Variants in TOPAZ1 observed in about 807,000 individuals in gnomAD.
TOPAZ1 encodes the protein protein TOPAZ1.
TOPAZ1 carries 66 observed loss-of-function variants against 172.2 expected under a neutral mutation model. That is an observed-to-expected ratio of 0.38 (90% CI 0.31 to 0.47). TOPAZ1 has a LOEUF of 0.47. TOPAZ1 is among the 20% of genes least tolerant of loss of function. The probability of loss-of-function intolerance (pLI) is 0.99; values close to 1 mark genes in which losing one functional copy is unlikely to be tolerated. For missense variants in TOPAZ1, 1,822 were observed against 1,972.4 expected, an observed-to-expected ratio of 0.92 and a Z score of 1.44; for synonymous variants, 681 against 683.9, an observed-to-expected ratio of 1.00 and a Z score of 0.07.
intron 19 of TOPAZ1, among the ~76,000 whole-genome samples, chr3:44,331,254 G>GT (rs1366853328): frequency 6.6e-6 from 1 of 152,020 alleles, no homozygotes; most frequent in Admixed American, 6.6e-5. Context: ...TAAAATCAGG[G>GT]TTTTTGTCAT....
At chr3:44,255,449 G>A (rs1446356500) in intron 3 of TOPAZ1, among the ~76,000 whole-genome samples, 4 of 151,794 alleles carry the variant, frequency 2.6e-5, no homozygotes, top group Non-Finnish European at 5.9e-5. Flanking sequence ...TCAGGAGATC[G>A]AGACCATCCT....
Position 44,244,474 on chromosome 3 carries a change from C to T in TOPAZ1, c.1968C>T (p.Gly656=), listed in dbSNP as rs1188193032. ...KDGQEANNSA[G]KTIHRKACIA... ...GTCAGGAAGCAAATAACTCTGCAGG[C>T]AAAACTATTCATCGAAAAGCATGCA... Residue 656 remains glycine, a synonymous_variant, in exon 2 of 20, where the codon GGC becomes GGT. Transcript: ENST00000309765. 1.4e-5 allele frequency: 22 copies of T among 1,551,500 alleles called. No individual in the cohort carries two copies. Among genetic ancestry groups the T allele is most frequent in the Non-Finnish European group, 1.7e-5 (20 of 1,146,958 alleles).
intron 17 of TOPAZ1, 69 bp downstream of exon 17, chr3:44,321,260 G>A (rs1700503600): frequency 9.1e-7 from 1 of 1,097,302 alleles, no homozygotes. Flanking sequence ...ATAAGAAATA[G>A]TTATCCACCT....
chr3:44,258,766 G>T (rs1699743489), intron 4 of TOPAZ1, among the ~76,000 whole-genome samples: 1 of 152,140 alleles, frequency 6.6e-6, no homozygotes, highest in Admixed American at 6.5e-5. Context: ...GGATAAAGCT[G>T]CTATCTATAA....
chr3:44,262,125 C>G (rs1198961486), intron 4 of TOPAZ1, among the ~76,000 whole-genome samples: 2 of 152,046 alleles, frequency 1.3e-5, no homozygotes, highest in Non-Finnish European at 2.9e-5. Flanking sequence ...AAAAGAAACT[C>G]AACTTTAGTT....
At chr3:44,278,837 A>T (rs1699992692) in intron 8 of TOPAZ1, among the ~76,000 whole-genome samples, 2 of 145,752 alleles carry the variant, frequency 1.4e-5, no homozygotes, top group African/African-American at 2.5e-5. Context: ...TATTTTTTTC[A>T]GCCCCACTCT....
At chr3:44,335,142 CGAA>C (rs1012399886), downstream of TOPAZ1, among the ~76,000 whole-genome samples, 2 of 151,938 alleles carry the variant, frequency 1.3e-5, no homozygotes, top group African/African-American at 4.8e-5. Flanking sequence ...ATCATCATAA[CGAA>C]GAGAATTATC....
rs1356336219 is a variant in TOPAZ1 at position 44,285,849 on chromosome 3, C to T, written c.3437-1540C>T. On this transcript the variant is annotated intron_variant, in intron 9 of 19. Coordinates refer to ENST00000309765, the MANE Select transcript of TOPAZ1 (RefSeq NM_001145030.2). ...TCCCAAAGTGCTGGAATTACAGGTG[C>T]GAGCCACCACGCCTGGCCGAGAGGA... is the stretch of plus-strand genomic sequence containing the variant. Among the ~76,000 whole-genome samples the T allele has an allele frequency of 3.3e-5, 5 of 151,098 alleles. 1 individual carries two copies. Among genetic ancestry groups the T allele is most frequent in the East Asian group, 2.0e-4 (1 of 4,998 alleles).
chr3:44,245,384 A>G (rs1044681920), intron 2 of TOPAZ1, 113 bp downstream of exon 2: 1 of 1,121,856 alleles, frequency 8.9e-7, no homozygotes, highest in Non-Finnish European at 1.2e-6. Flanking sequence ...TTTTTAACCC[A>G]ATTATTTATT....
At chr3:44,308,177 G>C (rs1700356163) in intron 15 of TOPAZ1, among the ~76,000 whole-genome samples, 1 of 152,090 alleles carries the variant, frequency 6.6e-6, no homozygotes, top group African/African-American at 2.4e-5. Context: ...AGAATTGCTT[G>C]AACCCGGGAG....
intron 17 of TOPAZ1, among the ~76,000 whole-genome samples, chr3:44,321,760 AT>A (rs1265635284): frequency 6.6e-6 from 1 of 151,980 alleles, no homozygotes; most frequent in Non-Finnish European, 1.5e-5. Context: ...ATAAATTTTC[AT>A]TTTTCCACTT....
chr3:44,266,923 T>G, intron 5 of TOPAZ1, 74 bp from the exon 6 acceptor site: 1 of 1,101,508 alleles, frequency 9.1e-7, no homozygotes, highest in Non-Finnish European at 1.2e-6. Flanking sequence ...AAGAAATATC[T>G]GATATCTGCA....
intron 12 of TOPAZ1, among the ~76,000 whole-genome samples, chr3:44,302,567 A>C (rs1327776695): frequency 2.0e-5 from 3 of 152,108 alleles, no homozygotes; most frequent in African/African-American, 7.2e-5. Context: ...CTGGAACCAC[A>C]CTATAGTAAC....
chr3:44,244,889 A>G lies in TOPAZ1; in HGVS notation c.2383A>G (p.Asn795Asp), dbSNP rs756660950. The stretch of plus-strand genomic sequence containing the variant: ...CTCTGAACCAGGCAATATTGTTTCT[A>G]ATAAAGAAGTTGCTTCTCTCACAGT... ...HVSEPGNIVSNKEVASLTVEN... is the reference protein window; with the variant it reads ...HVSEPGNIVSDKEVASLTVEN... Residue 795 changes from asparagine to aspartate, a missense_variant, in exon 2 of 20, where the codon AAT (asparagine) becomes GAT (aspartate). By Grantham distance (23) the Asn-to-Asp change is conservative (BLOSUM62 1). This residue lies in a region of TOPAZ1 where 1,489 missense variants were observed against 1,490.8 expected (regional missense o/e 1.00). Coordinates refer to ENST00000309765, the MANE Select transcript of TOPAZ1 (RefSeq NM_001145030.2). 2 of 1,551,782 alleles carry G rather than the reference A, an allele frequency of 1.3e-6. No individual in the cohort carries two copies. Among genetic ancestry groups the G allele is most frequent in the South Asian group, 2.4e-5 (2 of 84,052 alleles).
chr3:44,287,881 C>A, intron 11 of TOPAZ1, 42 bp downstream of exon 11: 1 of 992,160 alleles, frequency 1.0e-6, no homozygotes, highest in Non-Finnish European at 1.5e-6. Context: ...TGGCGAGTAA[C>A]CAAGAAAATA....
At chr3:44,296,855 A>AG (rs1700202493) in intron 12 of TOPAZ1, among the ~76,000 whole-genome samples, 1 of 126,984 alleles carries the variant, frequency 7.9e-6, no homozygotes, top group South Asian at 2.6e-4. Context: ...ACCAAAAAAA[A>AG]AAAAAAAAAG....
chr3:44,286,484 C>T (rs1311962954), intron 9 of TOPAZ1, among the ~76,000 whole-genome samples: 1 of 152,006 alleles, frequency 6.6e-6, no homozygotes, highest in Non-Finnish European at 1.5e-5. Flanking sequence ...AAAAGCTTTA[C>T]AAGAAATTTG....
At chr3:44,296,595 A>AC (rs1305006188) in intron 12 of TOPAZ1, among the ~76,000 whole-genome samples, 1 of 151,964 alleles carries the variant, frequency 6.6e-6, no homozygotes, top group African/African-American at 2.4e-5. Flanking sequence ...ACAAAAAAAA[A>AC]CAAAGTTGAT....
At chr3:44,296,408 C>T (rs1048515305) in intron 12 of TOPAZ1, among the ~76,000 whole-genome samples, 1 of 113,120 alleles carries the variant, frequency 8.8e-6, no homozygotes, top group Non-Finnish European at 1.8e-5. Context: ...AATTAACAAG[C>T]CTCTAGCAAG....
Sources: gnomAD v4.1 joint callset for allele counts (sites outside exome capture counted in the v4.1 genomes callset) on GRCh38, gnomAD v4.1.1 for gene constraint, gnomAD v4.1.1 regional missense constraint, MANE v1.5 for transcripts, NCBI Gene and HGNC (gene_info 2026-07-23, HGNC 2026-07-21) for gene names.